Variants in ASPM observed in about 807,000 individuals in gnomAD.
ASPM encodes abnormal spindle-like microcephaly-associated protein.
Under a neutral mutation model 366.4 loss-of-function variants are expected in ASPM, and 256 were observed. The observed-to-expected ratio is 0.70, with a 90% CI of 0.63 to 0.77. The LOEUF (loss-of-function observed/expected upper bound fraction) is 0.77, where lower values mean the gene tolerates loss of function less well. Ranked by LOEUF, ASPM falls within the 30% of genes least tolerant of loss-of-function variation. The probability of loss-of-function intolerance (pLI) is 0.00; values close to 1 mark genes in which losing one functional copy is unlikely to be tolerated. For synonymous variants in ASPM, 1,414 were observed against 1,342.9 expected, an observed-to-expected ratio of 1.05 and a Z score of -1.16; for missense variants, 4,146 against 4,090.4, an observed-to-expected ratio of 1.01 and a Z score of -0.37.
chr1:197,126,199 G>C (rs1408979721), intron 10 of ASPM, among the ~76,000 whole-genome samples: 7 of 152,054 alleles, frequency 4.6e-5, no homozygotes, highest in Non-Finnish European at 2.9e-5. Flanking sequence ...CCAACATTTT[G>C]GGAGGCTGAG....
Position 197,117,791 on chromosome 1 carries a change from G to C in ASPM, c.4063C>G (p.Gln1355Glu). The C allele has an allele frequency of 6.2e-7, 1 of 1,610,918 alleles. No individual in the cohort carries two copies. Among genetic ancestry groups the C allele is most frequent in the Non-Finnish European group, 8.5e-7 (1 of 1,178,584 alleles). The change falls in exon 17 of 28, where the codon CAG (glutamine) becomes GAG (glutamate). Residue 1355 changes from glutamine to glutamate, a missense_variant and splice_region_variant. Gln to Glu is a conservative substitution (Grantham distance 29). This residue lies in a region of ASPM where 3,624 missense variants were observed against 3,591.7 expected (regional missense o/e 1.01). Coordinates refer to ENST00000367409, the MANE Select transcript of ASPM (RefSeq NM_018136.5). Reference protein sequence around the residue: ...KVQNKAASLIQGYWRRYSTRQ... With the variant: ...KVQNKAASLIEGYWRRYSTRQ... Reference sequence around the variant, plus strand: ...AAAATTAGTCCAGGATACTATACCTGAATAAGTGATGCTGCTTTATTTTGA... The same window carrying C: ...AAAATTAGTCCAGGATACTATACCTCAATAAGTGATGCTGCTTTATTTTGA...
Position 197,093,154 on chromosome 1 carries a change from T to A in ASPM, c.9192A>T (p.Arg3064=). 6.2e-7 allele frequency: 1 copy of A among 1,612,486 alleles called. No homozygotes were observed. The highest frequency in any genetic ancestry group is 8.5e-7 in the Non-Finnish European group (1 of 1,178,880). Reference sequence around the variant, plus strand: ...TTTCATGCTTTCCAGCCTCCCTGGCTCGTATATATTTTTGTATGATCAAAG... The same window carrying A: ...TTTCATGCTTTCCAGCCTCCCTGGCACGTATATATTTTTGTATGATCAAAG... ...SAALIIQKYI[R]AREAGKHERI... The change falls in exon 21 of 28, where the codon CGA becomes CGT. Residue 3064 remains arginine (R), a synonymous_variant. Coordinates refer to ENST00000367409, the MANE Select transcript of ASPM (RefSeq NM_018136.5).
At position 197,144,059 on chromosome 1, in the gene ASPM, G is replaced by A; in HGVS notation, c.339C>T (p.Leu113=). 6.2e-7 allele frequency: 1 copy of A among 1,609,230 alleles called. No homozygotes were observed. The highest frequency in any genetic ancestry group is 8.5e-7 in the Non-Finnish European group (1 of 1,176,018). The change falls in exon 2 of 28, where the codon CTC becomes CTT. Residue 113 remains leucine, a synonymous_variant. Transcript: ENST00000367409. ...TAATCTCTCTTACTCGGCCTTCTTT[G>A]AGTGGTGTCCAGTTAACAGAAATAA... The part of the protein sequence containing the change: ...KIVISVNWTP[L]KEGRVREIMT...
chr1:197,113,725 AC>A (rs1047624549), intron 17 of ASPM, among the ~76,000 whole-genome samples: 1 of 152,182 alleles, frequency 6.6e-6, no homozygotes, highest in African/African-American at 2.4e-5. Context: ...CAACACACAT[AC>A]CAAATAGAGG....
At position 197,124,702 on chromosome 1, in the gene ASPM, T is replaced by G. The variant is rs4915338; in HGVS notation, c.3168+168A>C. Reference sequence around the variant, plus strand: ...GATTAGATTGAAATATATATATATATACACATATATATACATATATATATA... The same window carrying G: ...GATTAGATTGAAATATATATATATAGACACATATATATACATATATATATA... On this transcript the variant is annotated intron_variant, in intron 12 of 27. Coordinates refer to ENST00000367409, the MANE Select transcript of ASPM (RefSeq NM_018136.5). Among the ~76,000 whole-genome samples the G allele has an allele frequency of 2.0e-5, 3 of 151,078 alleles. No homozygotes were observed. In the South Asian group the frequency reaches 6.2e-4, roughly 31 times the overall value.
chr1:197,142,995 A>C lies in ASPM; in HGVS notation c.1257T>G (p.Asn419Lys). ...CTTCAGGAGACTGTGGGACTTGAGAATTTTCATTTGATAATGGTACTTTAC... is the reference window on the plus strand; with the variant it reads ...CTTCAGGAGACTGTGGGACTTGAGACTTTTCATTTGATAATGGTACTTTAC... ...QTCKVPLSNE[N>K]SQVPQSPEDW... The change falls in exon 3 of 28, where the codon AAT becomes AAG. Residue 419 changes from asparagine to lysine, a missense_variant. Around this residue, in one of 3 missense-constraint regions of ASPM, gnomAD observed 3,624 missense variants for 3,591.7 expected, o/e 1.01. Transcript: ENST00000367409. The C allele has an allele frequency of 6.2e-7, 1 of 1,613,848 alleles. No homozygotes were observed. Among genetic ancestry groups the C allele is most frequent in the Non-Finnish European group, 8.5e-7 (1 of 1,179,846 alleles).
chr1:197,124,327 T>C lies in ASPM; in HGVS notation c.3173A>G (p.Asp1058Gly). ...TAATTGATCTAAGTTAAGGGAAATA[T>C]CCACCTAAAACAAACACAAAAAAAG... is the stretch of plus-strand genomic sequence containing the variant. Reference protein sequence around the residue: ...LWKIAFAFQVDISLNLDQLKE... With the variant: ...LWKIAFAFQVGISLNLDQLKE... Residue 1058 changes from aspartate (D) to glycine (G), a missense_variant, in exon 13 of 28, where the codon GAT becomes GGT. By Grantham distance (94) the Asp-to-Gly change is moderately conservative. Coordinates refer to ENST00000367409, the MANE Select transcript of ASPM (RefSeq NM_018136.5). 1 of 1,562,408 alleles carries C rather than the reference T, an allele frequency of 6.4e-7. No homozygotes were observed. The highest frequency in any genetic ancestry group is 8.8e-7 in the Non-Finnish European group (1 of 1,136,222).
At chr1:197,139,679 C>T (rs1658524429) in intron 4 of ASPM, 88 bp downstream of exon 4, 9 of 1,072,510 alleles carry the variant, frequency 8.4e-6, no homozygotes, top group Non-Finnish European at 1.3e-5. Context: ...TATTCAACAA[C>T]AAAAATCAAT....
In ASPM at chr1:197,091,997, G is replaced by C; in HGVS notation, c.9354C>G (p.His3118Gln). Residue 3118 changes from histidine (H) to glutamine (Q), a missense_variant, in exon 22 of 28, where the codon CAC becomes CAG. By Grantham distance (24) the His-to-Gln change is conservative. Coordinates refer to ENST00000367409, the MANE Select transcript of ASPM (RefSeq NM_018136.5). ...CTCTTTGAATTCTAACAGCATTCAGGTGATAATATGCAGCTGCAGTGAAGT... is the reference window on the plus strand; with the variant it reads ...CTCTTTGAATTCTAACAGCATTCAGCTGATAATATGCAGCTGCAGTGAAGT... ...LLHFTAAAYY[H>Q]LNAVRIQRAY... 1 of 1,612,050 alleles carries C rather than the reference G, an allele frequency of 6.2e-7. No homozygotes were observed. Among genetic ancestry groups the C allele is most frequent in the South Asian group, 1.1e-5 (1 of 91,026 alleles).
intron 17 of ASPM, among the ~76,000 whole-genome samples, chr1:197,109,546 G>A (rs567823214): frequency 2.0e-5 from 3 of 151,930 alleles, no homozygotes; most frequent in Non-Finnish European, 4.4e-5. Context: ...TACTTAATGC[G>A]TGAACAAGGC....
chr1:197,139,412 C>T (rs780375758), intron 4 of ASPM: 10 of 559,240 alleles, frequency 1.8e-5, no homozygotes, highest in South Asian at 1.1e-4. Context: ...CCGGCCAACA[C>T]GGTGAAACCC....
intron 8 of ASPM, among the ~76,000 whole-genome samples, 181 bp from the exon 9 acceptor site, chr1:197,129,498 A>G (rs1199568456): frequency 6.6e-6 from 1 of 152,174 alleles, no homozygotes; most frequent in African/African-American, 2.4e-5. Context: ...AATCCTCCCA[A>G]TATCTCTATG....
At chr1:197,111,436 G>GC (rs1296344866) in intron 17 of ASPM, among the ~76,000 whole-genome samples, 3 of 152,022 alleles carry the variant, frequency 2.0e-5, no homozygotes, top group African/African-American at 7.2e-5. Flanking sequence ...ACAGATGCTG[G>GC]CAAGATTACA....
Position 197,128,636 on chromosome 1 carries a change from T to C in ASPM, c.2790A>G (p.Ser930=), listed in dbSNP as rs758771026. The C allele has an allele frequency of 6.2e-7, 1 of 1,613,480 alleles. No homozygotes were observed. Among genetic ancestry groups the C allele is most frequent in the Non-Finnish European group, 8.5e-7 (1 of 1,179,596 alleles). Residue 930 remains serine, a synonymous_variant, in exon 10 of 28, where the codon TCA becomes TCG. Coordinates refer to ENST00000367409, the MANE Select transcript of ASPM (RefSeq NM_018136.5). ...KASKEILLAF[S]RDFLSGEGDL... is the part of the protein sequence containing the mutation. ...CACCTTCACCACTTAGGAAATCTCG[T>C]GAAAAAGCCAAAAGGATTTCTTTAC...
rs758114375 is a variant in ASPM, at chr1:197,142,415, CTGA to C, written c.1834_1836del (p.Ser612del). The C allele has an allele frequency of 6.2e-7, 1 of 1,613,906 alleles. No homozygotes were observed. The highest frequency in any genetic ancestry group is 1.1e-5 in the South Asian group (1 of 91,078). On this transcript the variant is annotated inframe_deletion, in exon 3 of 28. Transcript: ENST00000367409. ...GTCACATTTTTTGTTTTCTTAACAG[CTGA>C]TGTTTTAGGCTCTGAGGGAGAAAAA...
chr1:197,098,362 G>T (rs903919227), intron 18 of ASPM, among the ~76,000 whole-genome samples: 1 of 151,540 alleles, frequency 6.6e-6, no homozygotes, highest in Non-Finnish European at 1.5e-5. Flanking sequence ...AAAGGTAGGA[G>T]TATGTTTTAA....
Position 197,090,211 on chromosome 1 carries a change from C to T in ASPM, c.9814G>A (p.Ala3272Thr), listed in dbSNP as rs977015237. ...ACAAACTAACCTAGGTGTTTTAAGG[C>T]CTCAAGAATGGCAGAAAGGTGCTTA... ...TYKHLSAILE[A>T]LKHLEVVTRL... Residue 3272 changes from alanine to threonine, a missense_variant, in exon 24 of 28, where the codon GCC becomes ACC. Ala to Thr is a moderately conservative substitution (Grantham distance 58). Around this residue, in one of 3 missense-constraint regions of ASPM, gnomAD observed 3,624 missense variants for 3,591.7 expected, o/e 1.01. Transcript: ENST00000367409. The T allele has an allele frequency of 4.3e-6, 7 of 1,613,244 alleles. No individual in the cohort carries two copies. The Admixed American group carries it at 1.0e-4, about 23-fold the overall frequency.
chr1:197,144,148 T>C (rs200578046), intron 1 of ASPM, 48 bp from the exon 2 acceptor site: 1 of 1,343,742 alleles, frequency 7.4e-7, no homozygotes, highest in East Asian at 2.3e-5. Flanking sequence ...AATTACATAA[T>C]AACCAAAACA....
intron 10 of ASPM, 147 bp downstream of exon 10, chr1:197,128,343 G>GAAGAA: frequency 1.8e-6 from 1 of 564,244 alleles, no homozygotes; most frequent in Non-Finnish European, 3.0e-6. Flanking sequence ...CCACTTCCCT[G>GAAGAA]AAAAAAAAAA....
Sources: allele counts gnomAD v4.1 joint callset (sites outside exome capture counted in the v4.1 genomes callset), GRCh38; gene constraint gnomAD v4.1.1; regional missense constraint gnomAD v4.1.1; transcripts MANE v1.5; gene names NCBI Gene and HGNC (gene_info 2026-07-23, HGNC 2026-07-21).